VPS52: variants seen among roughly 807,000 people sequenced by gnomAD.
VPS52 encodes vacuolar protein sorting-associated protein 52 homolog.
A neutral mutation model predicts 98.7 loss-of-function variants in VPS52; 56 were observed. That is an observed-to-expected ratio of 0.57 (90% CI 0.46 to 0.71). The LOEUF (loss-of-function observed/expected upper bound fraction) is 0.71. VPS52 is among the 30% of genes least tolerant of loss of function. The pLI is 0.00. For missense variants in VPS52, 742 were observed against 925.9 expected (o/e 0.80, Z 2.58); for synonymous variants, 348 against 346.4 (o/e 1.00, Z -0.05).
rs902503234 is a variant in VPS52, at chr6:33,271,176, C to T, written c.90+410G>A. 17 of 558,316 alleles carry T rather than the reference C, an allele frequency of 3.0e-5. No individual in the cohort carries two copies. In the South Asian group the frequency reaches 3.9e-4, roughly 13 times the overall value. The allele number at this position is 558,316 out of a possible 1,614,324, so 34.6% of individuals were successfully genotyped here. On this transcript the variant is annotated intron_variant, in intron 1 of 19. Coordinates refer to ENST00000445902, the MANE Select transcript of VPS52 (RefSeq NM_022553.6). ...CAATCTTACACATATTCATCTAATC[C>T]TAACGACGATGTATACAATAGGTTC...
intron 4 of VPS52, 35 bp from the exon 5 acceptor site, chr6:33,269,592 A>G: frequency 6.3e-7 from 1 of 1,597,588 alleles, no homozygotes; most frequent in East Asian, 2.2e-5. Flanking sequence ...CTCATGGTGA[A>G]GATGGGAGAT....
chr6:33,271,463 G>A, intron 1 of VPS52, 123 bp downstream of exon 1: 1 of 1,391,466 alleles, frequency 7.2e-7, no homozygotes, highest in Non-Finnish European at 1.0e-6. Context: ...AGGGTACGGG[G>A]AGCCAAACAG....
At position 33,269,030 on chromosome 6, in the gene VPS52, GC is replaced by G. The variant is rs1332359972; in HGVS notation, c.531del (p.Pro178LeufsTer13). On this transcript the variant is annotated frameshift_variant, in exon 6 of 20. Coordinates refer to ENST00000445902, the MANE Select transcript of VPS52 (RefSeq NM_022553.6). LOFTEE classifies it high-confidence loss of function. The stretch of plus-strand genomic sequence containing the variant: ...GTAACTCACGTGACCAGAGCAGAAG[GC>G]ACCACCAGACCATCAACAAGCTCCC... ...KLGELVDGLV[V>X]PSALVTAILE... is the part of the protein sequence containing the mutation. 6.2e-7 allele frequency: 1 copy of G among 1,612,328 alleles called. No individual in the cohort carries two copies. Among genetic ancestry groups the G allele is most frequent in the Non-Finnish European group, 8.5e-7 (1 of 1,179,858 alleles).
chr6:33,268,954 G>A lies in VPS52; in HGVS notation c.548+60C>T. ...AGGAGACCCATATGGTAAATAGGGTGGGTCACCCCAGCCCATCCACCTGCT... is the reference window on the plus strand; with the variant it reads ...AGGAGACCCATATGGTAAATAGGGTAGGTCACCCCAGCCCATCCACCTGCT... On this transcript the variant is annotated intron_variant, in intron 6 of 19. Coordinates refer to ENST00000445902, the MANE Select transcript of VPS52 (RefSeq NM_022553.6). The surrounding 1 kb of genome is among the most constrained non-coding windows in gnomAD (Gnocchi z 4.0). The A allele has an allele frequency of 6.3e-7, 1 of 1,581,654 alleles. No individual in the cohort carries two copies. Among genetic ancestry groups the A allele is most frequent in the South Asian group, 1.1e-5 (1 of 87,788 alleles).
At chr6:33,258,491 A>G (rs1289056331) in intron 17 of VPS52, among the ~76,000 whole-genome samples, 1 of 151,770 alleles carries the variant, frequency 6.6e-6, no homozygotes, top group African/African-American at 2.4e-5. Flanking sequence ...AAAAAGATAC[A>G]TACTAAAAGA....
chr6:33,258,871 C>T (rs1394521996), intron 17 of VPS52, among the ~76,000 whole-genome samples: 1 of 151,964 alleles, frequency 6.6e-6, no homozygotes, highest in South Asian at 2.1e-4. Flanking sequence ...AGCCACAAGC[C>T]GATTTTTAAA....
chr6:33,261,320 A>T (rs1763609276), intron 17 of VPS52, among the ~76,000 whole-genome samples: 1 of 151,738 alleles, frequency 6.6e-6, no homozygotes, highest in Non-Finnish European at 1.5e-5. Flanking sequence ...CACAAAAACT[A>T]GCCCGGCGTG....
chr6:33,256,845 A>C (rs1763038107), intron 17 of VPS52, among the ~76,000 whole-genome samples: 1 of 150,650 alleles, frequency 6.6e-6, no homozygotes, highest in Non-Finnish European at 1.5e-5. Flanking sequence ...CTGTCTAAAA[A>C]AAAAAAAAAA....
chr6:33,257,742 T>C (rs116666344), intron 17 of VPS52, among the ~76,000 whole-genome samples: 1,753 of 152,324 alleles, frequency 0.012, 29 homozygotes, highest in African/African-American at 0.036. Flanking sequence ...GCGTGGTAGA[T>C]GGTGGCTGTA....
chr6:33,264,645 A>T, intron 13 of VPS52, 137 bp downstream of exon 13: 2 of 1,417,692 alleles, frequency 1.4e-6, no homozygotes, highest in Non-Finnish European at 2.0e-6. Flanking sequence ...AAAAAGCAGC[A>T]CTACTGCCTC....
chr6:33,270,244 C>A lies in VPS52; in HGVS notation c.130G>T (p.Glu44Ter). Reference protein sequence around the residue: ...PGLQEPLQLGELDITSDEFIL... With the variant: ...PGLQEPLQLG ...AATTCATCAGAAGTGATATCCAACTCCCCAAGTTGCAGTGGTTCCTGGAGC... is the reference window on the plus strand; with the variant it reads ...AATTCATCAGAAGTGATATCCAACTACCCAAGTTGCAGTGGTTCCTGGAGC... Residue 44 changes from glutamate to a stop codon, truncating the protein, a stop_gained, in exon 2 of 20, where the codon GAG (glutamate) becomes TAG (stop). Transcript: ENST00000445902. LOFTEE classifies it high-confidence loss of function. The A allele has an allele frequency of 1.2e-6, 2 of 1,613,446 alleles. No individual in the cohort carries two copies. Among genetic ancestry groups the A allele is most frequent in the Non-Finnish European group, 1.7e-6 (2 of 1,179,422 alleles).
intron 17 of VPS52, among the ~76,000 whole-genome samples, chr6:33,255,965 T>C (rs1254221977): frequency 6.6e-6 from 1 of 152,086 alleles, no homozygotes; most frequent in African/African-American, 2.4e-5. Context: ...ATCAGGAATA[T>C]GAAAAGGGTT....
intron 19 of VPS52, 139 bp from the exon 20 acceptor site, chr6:33,251,126 G>C (rs753601482): frequency 8.2e-7 from 1 of 1,221,808 alleles, no homozygotes; most frequent in Non-Finnish European, 1.2e-6. Flanking sequence ...GGCAGATCAC[G>C]AGGTCAGGAA....
chr6:33,266,901 A>C (rs1356484697), intron 11 of VPS52, among the ~76,000 whole-genome samples, 189 bp from the exon 12 acceptor site: 1 of 152,090 alleles, frequency 6.6e-6, no homozygotes, highest in Non-Finnish European at 1.5e-5. Flanking sequence ...ATAGGGGTAC[A>C]AAAAGGGCCT....
Position 33,250,653 on chromosome 6 carries a change from T to G in VPS52, c.*188A>C, listed in dbSNP as rs1331144380. The stretch of plus-strand genomic sequence containing the variant: ...GGGAAACCTGAAGACACTGGGATAT[T>G]CAGAAGGCCAAGGGGATCCAGCTTA... On this transcript the variant is annotated 3_prime_UTR_variant, in exon 20 of 20. Coordinates refer to ENST00000445902, the MANE Select transcript of VPS52 (RefSeq NM_022553.6). 1.4e-6 allele frequency: 1 copy of G among 721,252 alleles called. No individual in the cohort carries two copies. Among genetic ancestry groups the G allele is most frequent in the Non-Finnish European group, 2.2e-6 (1 of 455,878 alleles). 44.7% of individuals were successfully genotyped at this position (721,252 alleles called of 1,614,324 possible).
chr6:33,266,626 A>C lies in VPS52; in HGVS notation c.1212T>G (p.Phe404Leu), dbSNP rs1764346027. 1 of 1,612,832 alleles carries C rather than the reference A, an allele frequency of 6.2e-7. No individual in the cohort carries two copies. The highest frequency in any genetic ancestry group is 1.7e-5 in the Admixed American group (1 of 59,986). ...CGTGTGCAGCTGGGCCAGACACAACAAAAAATTCACAGATGAAAAGGTATT... is the reference window on the plus strand; with the variant it reads ...CGTGTGCAGCTGGGCCAGACACAACCAAAAATTCACAGATGAAAAGGTATT... ...CREYLFICEFFVVSGPAAHDL... is the reference protein window; with the variant it reads ...CREYLFICEFLVVSGPAAHDL... The change falls in exon 12 of 20, where the codon TTT becomes TTG. Residue 404 changes from phenylalanine to leucine, a missense_variant. Coordinates refer to ENST00000445902, the MANE Select transcript of VPS52 (RefSeq NM_022553.6).
chr6:33,265,696 C>A lies in VPS52; in HGVS notation c.1282-796G>T, dbSNP rs530315783. 2.0e-5 allele frequency among the ~76,000 whole-genome samples: 3 copies of A among 151,856 alleles called. No homozygotes were observed. The South Asian group carries it at 6.3e-4, about 32-fold the overall frequency. On this transcript the variant is annotated intron_variant, in intron 12 of 19. Coordinates refer to ENST00000445902, the MANE Select transcript of VPS52 (RefSeq NM_022553.6). ...CACACCAGGATCTATGATCACAAGC[C>A]TATCACAGCAGAGTTCAGGGCTGAG... is the stretch of plus-strand genomic sequence containing the variant.
chr6:33,251,005 T>C lies in VPS52; in HGVS notation c.2026-18A>G, dbSNP rs576539861. 3.2e-5 allele frequency: 52 copies of C among 1,612,836 alleles called. No homozygotes were observed. The highest frequency in any genetic ancestry group is 4.3e-5 in the Non-Finnish European group (51 of 1,180,022). On this transcript the variant is annotated intron_variant, in intron 19 of 19. Coordinates refer to ENST00000445902, the MANE Select transcript of VPS52 (RefSeq NM_022553.6). The stretch of plus-strand genomic sequence containing the variant: ...AGCGCTCCCTGGTCAAAGAAAGTCA[T>C]TGAGGGATCAAACCGTAAAATGGTG...
intron 14 of VPS52, 102 bp from the exon 15 acceptor site, chr6:33,264,205 C>T: frequency 1.9e-6 from 3 of 1,542,108 alleles, no homozygotes; most frequent in South Asian, 1.1e-5. Context: ...GTGACTCTAC[C>T]TTCAGTCCCT....
Sources: allele counts gnomAD v4.1 joint callset (sites outside exome capture counted in the v4.1 genomes callset), GRCh38; gene constraint gnomAD v4.1.1; non-coding constraint Gnocchi (gnomAD v3.1); transcripts MANE v1.5; gene names NCBI Gene and HGNC (gene_info 2026-07-23, HGNC 2026-07-21).